WDR7: variants seen among roughly 807,000 people sequenced by gnomAD.
The protein encoded by WDR7 is WD repeat domain 7.
Under a neutral mutation model 169.4 loss-of-function variants are expected in WDR7, and 46 were observed. The ratio of observed to expected loss-of-function variants is 0.27; its 90% CI spans 0.21 to 0.35. WDR7 has a LOEUF of 0.35. WDR7 is among the 10% of genes least tolerant of loss of function. WDR7 has a pLI of 1.00. For synonymous variants in WDR7, 612 were observed against 666.8 expected, an observed-to-expected ratio of 0.92 and a Z score of 1.27; for missense variants, 1,534 against 1,859.3, an observed-to-expected ratio of 0.83 and a Z score of 3.22.
At chr18:56,740,450 A>C (rs1482278423) in intron 14 of WDR7, among the ~76,000 whole-genome samples, 4 of 152,096 alleles carry the variant, frequency 2.6e-5, no homozygotes, top group African/African-American at 7.2e-5. Context: ...TGGCATGTGT[A>C]GTAATTTTTT....
intron 19 of WDR7, among the ~76,000 whole-genome samples, chr18:56,783,820 A>G (rs1475946267): frequency 2.0e-5 from 3 of 152,204 alleles, no homozygotes; most frequent in African/African-American, 7.2e-5. Flanking sequence ...GCCATTAGCA[A>G]TTGTAGTGGA....
intron 21 of WDR7, among the ~76,000 whole-genome samples, chr18:56,883,395 T>G (rs1292697976): frequency 6.6e-6 from 1 of 152,152 alleles, no homozygotes; most frequent in Non-Finnish European, 1.5e-5. Context: ...GTGTTATTTG[T>G]GAATTAGCTT....
intron 1 of WDR7, among the ~76,000 whole-genome samples, chr18:56,669,290 T>G (rs987657520): frequency 6.6e-6 from 1 of 152,140 alleles, no homozygotes; most frequent in Admixed American, 6.5e-5. Flanking sequence ...GCCTGTTTCC[T>G]TATGATTTGT....
intron 16 of WDR7, among the ~76,000 whole-genome samples, chr18:56,768,308 A>C (rs892595422): frequency 2.6e-5 from 4 of 152,220 alleles, no homozygotes; most frequent in African/African-American, 9.6e-5. Context: ...TTCATTTGGA[A>C]AGCATATATA....
intron 20 of WDR7, among the ~76,000 whole-genome samples, chr18:56,864,462 T>A (rs1467485154): frequency 6.6e-6 from 1 of 151,658 alleles, no homozygotes; most frequent in African/African-American, 2.4e-5. Flanking sequence ...CTTGCGAAAA[T>A]GACATTTTCA....
At position 56,756,981 on chromosome 18, in the gene WDR7, T is replaced by A. The variant is rs1305068844; in HGVS notation, c.2388T>A (p.Thr796=). The part of the protein sequence containing the change: ...KPLTLLEYNL[T]MDTAKLFMSC... The stretch of plus-strand genomic sequence containing the variant: ...TGACCCTATTAGAATATAATTTAAC[T>A]ATGGACACTGCAAAGCTGTTTATGT... Residue 796 remains threonine, a synonymous_variant, in exon 15 of 28, where the codon ACT becomes ACA. Transcript: ENST00000254442. 6.2e-7 allele frequency: 1 copy of A among 1,614,136 alleles called. No individual in the cohort carries two copies. The highest frequency in any genetic ancestry group is 8.5e-7 in the Non-Finnish European group (1 of 1,180,034).
At chr18:56,990,961 A>G (rs1276129853) in intron 26 of WDR7, among the ~76,000 whole-genome samples, 1 of 152,098 alleles carries the variant, frequency 6.6e-6, no homozygotes, top group Admixed American at 6.5e-5. Context: ...CTACCTCACT[A>G]GTACACCAAA....
At chr18:56,788,822 G>T (rs1438151551) in intron 19 of WDR7, among the ~76,000 whole-genome samples, 1 of 152,170 alleles carries the variant, frequency 6.6e-6, no homozygotes, top group Non-Finnish European at 1.5e-5. Context: ...AAGCCAATTG[G>T]AAATGATTAT....
At position 56,879,960 on chromosome 18, in the gene WDR7, C is replaced by A; in HGVS notation, c.3321C>A (p.Val1107=). The change falls in exon 21 of 28, where the codon GTC becomes GTA. Residue 1107 remains valine (V), a synonymous_variant. Transcript: ENST00000254442. The part of the protein sequence containing the change: ...DDITTGCLSS[V]PQMKKISTSY... ...GGTCTTCAGGTTGCTTATCAAGTGT[C>A]CCACAAATGAAAAAAATTTCTACAT... The A allele has an allele frequency of 1.2e-6, 2 of 1,613,672 alleles. No homozygotes were observed. The highest frequency in any genetic ancestry group is 1.7e-6 in the Non-Finnish European group (2 of 1,179,834).
rs951363609 is a variant in WDR7, at chr18:56,695,304, G to C, written c.1357+106G>C. 2.1e-6 allele frequency: 3 copies of C among 1,412,896 alleles called. No homozygotes were observed. In the African/African-American group the frequency reaches 4.3e-5, roughly 20 times the overall value. 87.5% of individuals were successfully genotyped at this position (1,412,896 alleles called of 1,614,324 possible). A position where few individuals can be genotyped will look rare whatever the true frequency, so the allele number is the denominator to read the frequency against. ...TAAATAAATACAGTGAATCAGTGTA[G>C]TTAGTTGTTGGGGTGCTATGTAGTT... On this transcript the variant is annotated intron_variant, in intron 11 of 27. Transcript: ENST00000254442.
intron 7 of WDR7, among the ~76,000 whole-genome samples, chr18:56,689,526 C>G (rs1219896220): frequency 6.6e-6 from 1 of 152,188 alleles, no homozygotes; most frequent in Non-Finnish European, 1.5e-5. Flanking sequence ...TCCCAAAGGG[C>G]TGGGATTATA....
chr18:56,659,749 G>C (rs1466327466), intron 1 of WDR7, among the ~76,000 whole-genome samples: 1 of 152,132 alleles, frequency 6.6e-6, no homozygotes, highest in African/African-American at 2.4e-5. Flanking sequence ...GCAAGGGAGA[G>C]AACAACCACC....
At chr18:56,910,159 A>T (rs1289121003) in intron 21 of WDR7, among the ~76,000 whole-genome samples, 1 of 152,200 alleles carries the variant, frequency 6.6e-6, no homozygotes, top group African/African-American at 2.4e-5. Context: ...AAAATTGCAT[A>T]AAAGTATTAA....
intron 20 of WDR7, among the ~76,000 whole-genome samples, chr18:56,843,924 A>G (rs1420585141): frequency 6.9e-6 from 1 of 144,278 alleles, no homozygotes; most frequent in Non-Finnish European, 1.5e-5. Context: ...GTGCAGTGGT[A>G]CAATCTTGGT....
intron 19 of WDR7, among the ~76,000 whole-genome samples, chr18:56,802,129 A>AT (rs948643459): frequency 4.6e-5 from 7 of 152,094 alleles, no homozygotes; most frequent in Admixed American, 1.3e-4. Flanking sequence ...TATTGTTAGT[A>AT]TTTTTTTAAC....
At chr18:56,660,245 T>C (rs960965024) in intron 1 of WDR7, among the ~76,000 whole-genome samples, 3 of 152,172 alleles carry the variant, frequency 2.0e-5, no homozygotes, top group East Asian at 3.8e-4. Context: ...GAGAAACTTA[T>C]TAGCTATCCA....
At chr18:56,935,751 T>C (rs764356544) in intron 22 of WDR7, 37 bp from the exon 23 acceptor site, 2 of 1,586,576 alleles carry the variant, frequency 1.3e-6, no homozygotes, top group African/African-American at 1.3e-5. Context: ...TTCTAATGCT[T>C]CTTTTCTTTT....
intron 22 of WDR7, among the ~76,000 whole-genome samples, chr18:56,926,291 G>A (rs1300865757): frequency 6.6e-6 from 1 of 152,134 alleles, no homozygotes; most frequent in Non-Finnish European, 1.5e-5. Context: ...GGCTGCAGCT[G>A]CCATGTGCAC....
intron 14 of WDR7, among the ~76,000 whole-genome samples, chr18:56,740,305 TTCC>T (rs2043597406): frequency 1.3e-5 from 2 of 152,150 alleles, no homozygotes; most frequent in Non-Finnish European, 2.9e-5. Context: ...TTATCTTCTT[TTCC>T]ATCATTTTCT....
Sources: gnomAD v4.1 joint callset for allele counts (sites outside exome capture counted in the v4.1 genomes callset) on GRCh38, gnomAD v4.1.1 for gene constraint, MANE v1.5 for transcripts, NCBI Gene and HGNC (gene_info 2026-07-23, HGNC 2026-07-21) for gene names.